Variants in AKAP19 observed in about 807,000 individuals in gnomAD.
AKAP19 encodes A-kinase anchoring protein 19.
chr2:189,884,679 G>A, the AKAP19 span, among the ~76,000 whole-genome samples: 1 of 152,194 alleles, frequency 6.6e-6, no homozygotes, highest in Non-Finnish European at 1.5e-5. Context: ...AGTACTTCAT[G>A]TTTTGTAGGT....
At chr2:190,051,278 T>C in the AKAP19 span, among the ~76,000 whole-genome samples, 4 of 152,194 alleles carry the variant, frequency 2.6e-5, no homozygotes, top group Non-Finnish European at 5.9e-5. Context: ...TTCCTATAAG[T>C]AATTTATTCC....
chr2:190,148,259 A>G, the AKAP19 span, among the ~76,000 whole-genome samples: 3 of 152,220 alleles, frequency 2.0e-5, no homozygotes, highest in Non-Finnish European at 2.9e-5. Flanking sequence ...ATCTATTGAG[A>G]TGATCATATG....
the AKAP19 span, among the ~76,000 whole-genome samples, chr2:190,179,139 G>A: frequency 6.6e-6 from 1 of 152,152 alleles, no homozygotes; most frequent in Non-Finnish European, 1.5e-5. The surrounding 1 kb of genome is among the most constrained non-coding windows in gnomAD (Gnocchi z 6.0). Flanking sequence ...TGGGTGCGGT[G>A]GCTCACACCT....
the AKAP19 span, among the ~76,000 whole-genome samples, chr2:189,956,023 A>T: frequency 6.6e-6 from 1 of 152,182 alleles, no homozygotes; most frequent in Non-Finnish European, 1.5e-5. Flanking sequence ...TGGGTGTAAG[A>T]ACAGATATTC....
At chr2:190,153,130 T>C in the AKAP19 span, among the ~76,000 whole-genome samples, 17 of 152,098 alleles carry the variant, frequency 1.1e-4, no homozygotes, top group Non-Finnish European at 2.1e-4. Flanking sequence ...CTTCTGACCT[T>C]GTGATCTGCC....
the AKAP19 span, among the ~76,000 whole-genome samples, chr2:190,123,009 G>T: frequency 6.6e-6 from 1 of 151,798 alleles, no homozygotes; most frequent in East Asian, 1.9e-4. Context: ...ACAAGATCTC[G>T]CTATGTTGCC....
At chr2:189,942,920 C>A in the AKAP19 span, among the ~76,000 whole-genome samples, 1 of 152,112 alleles carries the variant, frequency 6.6e-6, no homozygotes, top group African/African-American at 2.4e-5. Flanking sequence ...GATGTAGGAG[C>A]AAAGGAATGA....
At chr2:190,069,413 TAACC>T in the AKAP19 span, among the ~76,000 whole-genome samples, 3 of 152,166 alleles carry the variant, frequency 2.0e-5, no homozygotes, top group Non-Finnish European at 4.4e-5. Flanking sequence ...ATGTTTCTAG[TAACC>T]AACCACTCCC....
the AKAP19 span, among the ~76,000 whole-genome samples, chr2:189,944,346 G>A: frequency 6.6e-6 from 1 of 152,128 alleles, no homozygotes; most frequent in Admixed American, 6.5e-5. Context: ...ACCATGTGAT[G>A]TACCTGTTCC....
At chr2:189,988,256 G>A in the AKAP19 span, among the ~76,000 whole-genome samples, 5 of 152,152 alleles carry the variant, frequency 3.3e-5, no homozygotes, top group Admixed American at 6.5e-5. Context: ...AAAAAGGCAG[G>A]CTTAGAAAAC....
chr2:189,977,006 C>T, the AKAP19 span, among the ~76,000 whole-genome samples: 4 of 152,102 alleles, frequency 2.6e-5, no homozygotes, highest in African/African-American at 7.2e-5. Context: ...TCCAACAAGC[C>T]CCAGTGAGAT....
chr2:190,071,224 G>T, the AKAP19 span, among the ~76,000 whole-genome samples: 1 of 152,142 alleles, frequency 6.6e-6, no homozygotes, highest in South Asian at 2.1e-4. Flanking sequence ...GAGGCAGGAG[G>T]ATTGCTTGAG....
the AKAP19 span, among the ~76,000 whole-genome samples, chr2:189,998,174 A>G: frequency 2.0e-5 from 3 of 152,092 alleles, no homozygotes; most frequent in Non-Finnish European, 4.4e-5. Flanking sequence ...AGTGGTGTGC[A>G]CTTCTTTCAA....
chr2:190,053,622 T>C, the AKAP19 span, among the ~76,000 whole-genome samples: 6 of 152,162 alleles, frequency 3.9e-5, no homozygotes, highest in African/African-American at 1.4e-4. Flanking sequence ...TTTCAACACT[T>C]TATGTCACAT....
At chr2:190,122,384 C>T in the AKAP19 span, among the ~76,000 whole-genome samples, 1 of 152,206 alleles carries the variant, frequency 6.6e-6, no homozygotes, top group African/African-American at 2.4e-5. Flanking sequence ...TTATCTGAAG[C>T]TTCTGCTCAC....
At chr2:189,904,133 G>C in the AKAP19 span, among the ~76,000 whole-genome samples, 16 of 152,024 alleles carry the variant, frequency 1.1e-4, no homozygotes, top group South Asian at 4.1e-4. Context: ...AATAAGTTTA[G>C]TTACATATGA....
the AKAP19 span, among the ~76,000 whole-genome samples, chr2:190,089,164 A>G: frequency 6.6e-6 from 1 of 152,258 alleles, no homozygotes; most frequent in Non-Finnish European, 1.5e-5. Flanking sequence ...TTGTACCTAA[A>G]TGTAATCCAA....
At chr2:189,935,670 T>C in the AKAP19 span, among the ~76,000 whole-genome samples, 2 of 152,112 alleles carry the variant, frequency 1.3e-5, no homozygotes, top group Non-Finnish European at 2.9e-5. Flanking sequence ...TTATATAAAT[T>C]AGTTTTCTCT....
At chr2:190,110,948 T>C in the AKAP19 span, among the ~76,000 whole-genome samples, 1 of 152,294 alleles carries the variant, frequency 6.6e-6, no homozygotes, top group African/African-American at 2.4e-5. Context: ...CAGGTGCTAA[T>C]CTCAAAGCAC....
Sources: allele counts gnomAD v4.1 joint callset (sites outside exome capture counted in the v4.1 genomes callset), GRCh38; gene constraint gnomAD v4.1.1; non-coding constraint Gnocchi (gnomAD v3.1); transcripts MANE v1.5; gene names NCBI Gene and HGNC (gene_info 2026-07-23, HGNC 2026-07-21).